ROS1: variants seen among roughly 807,000 people sequenced by gnomAD.
The protein encoded by ROS1 is proto-oncogene tyrosine-protein kinase ROS.
A neutral mutation model predicts 273.5 loss-of-function variants in ROS1; 263 were observed. The observed-to-expected ratio is 0.96, with a 90% CI of 0.87 to 1.06. ROS1 has a LOEUF of 1.06. Among genes scored for constraint, ROS1 ranks in the 50% least tolerant of loss-of-function variants. The pLI is 0.00. For synonymous variants in ROS1, 1,008 were observed against 954.1 expected (o/e 1.06, Z -1.04); for missense variants, 2,833 against 2,751.1 (o/e 1.03, Z -0.67).
chr6:117,405,519 T>C (rs138380428), intron 5 of ROS1, among the ~76,000 whole-genome samples: 5 of 151,944 alleles, frequency 3.3e-5, no homozygotes, highest in Admixed American at 2.0e-4. Context: ...AATGATGGAG[T>C]TGTCAGCAGA....
chr6:117,326,382 T>A lies in ROS1; in HGVS notation c.5381A>T (p.Asn1794Ile), dbSNP rs2128582267. 6.4e-7 allele frequency: 1 copy of A among 1,558,602 alleles called. No individual in the cohort carries two copies. Among genetic ancestry groups the A allele is most frequent in the Non-Finnish European group, 8.6e-7 (1 of 1,161,220 alleles). Residue 1794 changes from asparagine (N) to isoleucine (I), a missense_variant, in exon 34 of 44, where the codon AAT (asparagine) becomes ATT (isoleucine). Physicochemically the swap from Asn to Ile is moderately radical, Grantham distance 149. Coordinates refer to ENST00000368507, the MANE Select transcript of ROS1 (RefSeq NM_001378902.1). ...ATTAAATGTCATCTTCCACCTTAAA[T>A]TCTGGTTCTGTAAATTATTTGAAGT... ...KSTSNNLQNQ[N>I]LRWKMTFNGS... is the part of the protein sequence containing the mutation.
chr6:117,323,231 G>A (rs534671265), intron 35 of ROS1, among the ~76,000 whole-genome samples: 28 of 152,086 alleles, frequency 1.8e-4, no homozygotes, highest in Admixed American at 1.6e-3. Flanking sequence ...TATTGTCTGG[G>A]TGGAATCTTT....
At position 117,404,409 on chromosome 6, in the gene ROS1, A is replaced by G. The variant is rs144764469; in HGVS notation, c.336T>C (p.Thr112=). The change falls in exon 6 of 44, where the codon ACT becomes ACC. Residue 112 remains threonine, a synonymous_variant. Transcript: ENST00000368507. The stretch of plus-strand genomic sequence containing the variant: ...TTCCAATGGAAGAAGCAAAGGGAGC[A>G]GTTGGTAGGTCTGCATTTTCTGGGG... ...EEVLENADLP[T]APFASSIGSH... 2 of 1,613,748 alleles carry G rather than the reference A, an allele frequency of 1.2e-6. No individual in the cohort carries two copies. The highest frequency in any genetic ancestry group is 1.7e-6 in the Non-Finnish European group (2 of 1,179,872).
chr6:117,398,693 A>AAAAAAAAAAAAAAAAAAAC lies in ROS1; in HGVS notation c.605-1578_605-1577insGTTTTTTTTTTTTTTTTTT, dbSNP rs1554252569. 6.7e-4 allele frequency among the ~76,000 whole-genome samples: 94 copies of AAAAAAAAAAAAAAAAAAAC among 141,178 alleles called. 4 individuals carry two copies. The highest frequency in any genetic ancestry group is 1.0e-3 in the Non-Finnish European group (62 of 62,134). The allele number at this position is 141,178 out of a possible 152,430, so 92.6% of individuals were successfully genotyped here. A position where few individuals can be genotyped will look rare whatever the true frequency, so the allele number is the denominator to read the frequency against. ...GACCTTGTCTCAAAAAAAAAAAAAA[A>AAAAAAAAAAAAAAAAAAAC]AAAACTCGCGGTGACTCATGCTTGT... On this transcript the variant is annotated intron_variant, in intron 7 of 43. Coordinates refer to ENST00000368507, the MANE Select transcript of ROS1 (RefSeq NM_001378902.1).
chr6:117,292,457 C>A (rs34228274), intron 43 of ROS1, among the ~76,000 whole-genome samples: 12,498 of 152,186 alleles, frequency 0.082, 642 homozygotes, highest in East Asian at 0.17. Flanking sequence ...AACAACACTC[C>A]CTATGGCTTT....
chr6:117,309,536 A>G (rs1775376144), intron 41 of ROS1, among the ~76,000 whole-genome samples: 1 of 152,146 alleles, frequency 6.6e-6, no homozygotes, highest in East Asian at 1.9e-4. Context: ...CTCATTCGTA[A>G]TTTTGCCTAG....
intron 1 of ROS1, among the ~76,000 whole-genome samples, chr6:117,423,265 C>T (rs1267074809): frequency 6.6e-6 from 1 of 152,092 alleles, no homozygotes; most frequent in Non-Finnish European, 1.5e-5. Flanking sequence ...AAAGAATTTA[C>T]TCATGTAACC....
In ROS1 at chr6:117,414,532, G is replaced by A. The variant is rs754587765; in HGVS notation, c.242C>T (p.Ala81Val). Reference protein sequence around the residue: ...NCALKCNDTYATVCERESCEV... With the variant: ...NCALKCNDTYVTVCERESCEV... ...TTGCCAACTCACCTCACAAACGGTG[G>A]CATAAGTATCATTCTGCATAGAAAA... The change falls in exon 4 of 44, where the codon GCC (alanine) becomes GTC (valine). Residue 81 changes from alanine to valine, a missense_variant. Physicochemically the swap from Ala to Val is moderately conservative, Grantham distance 64 (BLOSUM62 0). Coordinates refer to ENST00000368507, the MANE Select transcript of ROS1 (RefSeq NM_001378902.1). 35 of 730,836 alleles carry A rather than the reference G, an allele frequency of 4.8e-5. No individual in the cohort carries two copies. The African/African-American group carries it at 5.8e-4, about 12-fold the overall frequency. 45.3% of individuals were successfully genotyped at this position (730,836 alleles called of 1,614,324 possible). A position where few individuals can be genotyped will look rare whatever the true frequency, so the allele number is the denominator to read the frequency against.
chr6:117,394,640 C>T lies in ROS1; in HGVS notation c.982G>A (p.Asp328Asn), dbSNP rs1773347942. The T allele has an allele frequency of 6.2e-7, 1 of 1,611,030 alleles. No individual in the cohort carries two copies. Among genetic ancestry groups the T allele is most frequent in the Non-Finnish European group, 8.5e-7 (1 of 1,178,064 alleles). The change falls in exon 10 of 44, where the codon GAT becomes AAT. Residue 328 changes from aspartate (D) to asparagine (N), a missense_variant. Coordinates refer to ENST00000368507, the MANE Select transcript of ROS1 (RefSeq NM_001378902.1). ...CCTGTAATATTATGGTATATAGCAT[C>T]CAACCGAAGGCAATGTGCTTCATCT... ...LVDEAHCLRL[D>N]AIYHNITGIS...
chr6:117,417,412 C>T (rs1190514484), intron 2 of ROS1, among the ~76,000 whole-genome samples: 1 of 152,154 alleles, frequency 6.6e-6, no homozygotes, highest in Admixed American at 6.5e-5. Flanking sequence ...GAGTTCATCA[C>T]TCACTGCCTC....
chr6:117,405,545 C>T (rs3798391), intron 5 of ROS1, among the ~76,000 whole-genome samples: 9,017 of 151,910 alleles, frequency 0.059, 320 homozygotes, highest in Middle Eastern at 0.092. Context: ...GAAAAATAAC[C>T]AGGAGGCATC....
Position 117,379,112 on chromosome 6 carries a change from C to T in ROS1, c.2529G>A (p.Leu843=), listed in dbSNP as rs1771901748. Residue 843 remains leucine (L), a synonymous_variant, in exon 18 of 44, where the codon TTG becomes TTA. Transcript: ENST00000368507. ...GGTGAATACATTGACTGTCTTGAAC[C>T]AACCAATACAGGAGCCCATCACTGA... ...LDLSDGLLYW[L]VQDSQCIHLY... The T allele has an allele frequency of 1.9e-6, 3 of 1,613,244 alleles. No homozygotes were observed. Among genetic ancestry groups the T allele is most frequent in the South Asian group, 1.1e-5 (1 of 91,048 alleles).
At position 117,353,105 on chromosome 6, in the gene ROS1, C is replaced by G; in HGVS notation, c.4188G>C (p.Lys1396Asn). 5 of 1,614,044 alleles carry G rather than the reference C, an allele frequency of 3.1e-6. No individual in the cohort carries two copies. Among genetic ancestry groups the G allele is most frequent in the Non-Finnish European group, 4.2e-6 (5 of 1,179,984 alleles). ...GDLIYWIITA[K>N]DSTQIYQAKK... Reference sequence around the variant, plus strand: ...TTGCCTGATAAATCTGTGTGCTGTCCTTTGCTGTGATGATCCAGTATATAA... The same window carrying G: ...TTGCCTGATAAATCTGTGTGCTGTCGTTTGCTGTGATGATCCAGTATATAA... Residue 1396 changes from lysine (K) to asparagine (N), a missense_variant, in exon 27 of 44, where the codon AAG becomes AAC. Lys to Asn is a moderately conservative substitution (Grantham distance 94). Transcript: ENST00000368507.
chr6:117,413,867 G>C (rs1775124161), intron 4 of ROS1, among the ~76,000 whole-genome samples: 2 of 152,124 alleles, frequency 1.3e-5, no homozygotes, highest in Non-Finnish European at 2.9e-5. Flanking sequence ...TGTAGCCCCA[G>C]CTACTCAGAA....
Position 117,397,000 on chromosome 6 carries a change from GCCTTAAGTTATAA to G in ROS1, c.708_720del (p.Tyr237Ter). The G allele has an allele frequency of 6.2e-7, 1 of 1,614,002 alleles. No individual in the cohort carries two copies. The highest frequency in any genetic ancestry group is 8.5e-7 in the Non-Finnish European group (1 of 1,179,878). On this transcript the variant is annotated frameshift_variant, in exon 8 of 44. Transcript: ENST00000368507. LOFTEE classifies it high-confidence loss of function. Reference sequence around the variant, plus strand: ...TCTAATTTTTGATTTTTGCTGATCAGCCTTAAGTTATAACCCAAAATAGGTCCACCTGGGAATT... The same window carrying G: ...TCTAATTTTTGATTTTTGCTGATCAGCCCAAAATAGGTCCACCTGGGAATT...
At chr6:117,317,635 A>C (rs1776011504) in intron 38 of ROS1, among the ~76,000 whole-genome samples, 1 of 152,178 alleles carries the variant, frequency 6.6e-6, no homozygotes, top group Admixed American at 6.5e-5. Context: ...TCAGGAAAAC[A>C]ACTCAGAAAT....
chr6:117,299,924 CTTTT>C (rs11297663), intron 43 of ROS1, among the ~76,000 whole-genome samples: 6 of 118,662 alleles, frequency 5.1e-5, no homozygotes, highest in Admixed American at 8.4e-5. Context: ...ATATTATTAT[CTTTT>C]TTTTTTTTTT....
intron 1 of ROS1, among the ~76,000 whole-genome samples, chr6:117,425,253 C>A (rs934374893): frequency 1.3e-5 from 2 of 152,040 alleles, no homozygotes; most frequent in African/African-American, 4.8e-5. Context: ...TTTAAGTGTG[C>A]AAAATTGGCA....
chr6:117,402,302 G>C (rs531304309), intron 7 of ROS1, among the ~76,000 whole-genome samples: 1 of 152,054 alleles, frequency 6.6e-6, no homozygotes, highest in African/African-American at 2.4e-5. Context: ...TCTTCCACAC[G>C]GACCATCCCT....
Sources: allele counts gnomAD v4.1 joint callset (sites outside exome capture counted in the v4.1 genomes callset), GRCh38; gene constraint gnomAD v4.1.1; transcripts MANE v1.5; gene names NCBI Gene and HGNC (gene_info 2026-07-23, HGNC 2026-07-21).